Variants in RNF216 observed in about 807,000 individuals in gnomAD.
RNF216 encodes the protein E3 ubiquitin-protein ligase RNF216.
In RNF216, 72 loss-of-function variants were observed where a neutral mutation model predicts 110.8. The ratio of observed to expected loss-of-function variants is 0.65; its 90% CI spans 0.54 to 0.79. The LOEUF (loss-of-function observed/expected upper bound fraction) is 0.79. Ranked by LOEUF, RNF216 falls within the 30% of genes least tolerant of loss-of-function variation. The probability of loss-of-function intolerance (pLI) is 0.00; values close to 1 mark genes in which losing one functional copy is unlikely to be tolerated. For missense variants in RNF216, 1,342 were observed against 1,141.2 expected (o/e 1.18, Z -2.54); for synonymous variants, 495 against 407.5 (o/e 1.21, Z -2.59).
At chr7:5,725,243 G>C (rs1389620898) in intron 8 of RNF216, 81 bp downstream of exon 8, 8 of 832,572 alleles carry the variant, frequency 9.6e-6, no homozygotes, top group Non-Finnish European at 2.0e-6. Context: ...GACACCTGTA[G>C]CACGGCTTCC....
At chr7:5,639,763 A>AT (rs749853413) in intron 15 of RNF216, among the ~76,000 whole-genome samples, 657 of 134,696 alleles carry the variant, frequency 4.9e-3, no homozygotes, top group African/African-American at 9.8e-3. Context: ...CCTAGCCTTA[A>AT]TTTTTTTTTT....
intron 13 of RNF216, among the ~76,000 whole-genome samples, chr7:5,684,279 T>C (rs1320994229): frequency 6.6e-6 from 1 of 151,924 alleles, no homozygotes; most frequent in African/African-American, 2.4e-5. Context: ...ATTTTTGTTT[T>C]TGTATTTTTA....
chr7:5,686,189 C>A (rs1419809709), intron 13 of RNF216, among the ~76,000 whole-genome samples: 2 of 148,346 alleles, frequency 1.3e-5, no homozygotes, highest in African/African-American at 5.0e-5. Flanking sequence ...TGCTGCTGCA[C>A]TCCAGCCTGG....
intron 9 of RNF216, among the ~76,000 whole-genome samples, chr7:5,717,075 C>T (rs368994120): frequency 1.3e-5 from 2 of 152,054 alleles, no homozygotes; most frequent in South Asian, 2.1e-4. Flanking sequence ...TAAGTTTGGC[C>T]GGGTGGGATG....
chr7:5,743,718 G>T (rs754286695), intron 3 of RNF216, among the ~76,000 whole-genome samples: 2 of 152,176 alleles, frequency 1.3e-5, no homozygotes, highest in African/African-American at 4.8e-5. Flanking sequence ...TGCTAAACTG[G>T]TAACAACAGT....
At chr7:5,767,347 G>T (rs377308433) in intron 1 of RNF216, among the ~76,000 whole-genome samples, 42 of 152,278 alleles carry the variant, frequency 2.8e-4, no homozygotes, top group African/African-American at 9.9e-4. Context: ...TGAGGCAGAA[G>T]CAGCAATTTC....
chr7:5,687,106 T>A (rs1791033050), intron 13 of RNF216, among the ~76,000 whole-genome samples: 1 of 151,916 alleles, frequency 6.6e-6, no homozygotes, highest in African/African-American at 2.4e-5. Flanking sequence ...ATCTAGAAAT[T>A]AAAGGAAGAC....
At chr7:5,773,404 G>A (rs1220889872) in intron 1 of RNF216, among the ~76,000 whole-genome samples, 2 of 151,624 alleles carry the variant, frequency 1.3e-5, no homozygotes, top group Non-Finnish European at 2.9e-5. Context: ...CACCAAACAA[G>A]CTAGTTTTTT....
chr7:5,622,621 G>A lies in RNF216; in HGVS notation c.*239C>T. On this transcript the variant is annotated 3_prime_UTR_variant, in exon 17 of 17. Transcript: ENST00000389902. ...CGTTGGTGGCCTGGGGGATGCGAGG[G>A]GAGGGGCAGTTCACATCGCAGCTCT... 1 of 509,076 alleles carries A rather than the reference G, an allele frequency of 2.0e-6. No homozygotes were observed. The highest frequency in any genetic ancestry group is 3.5e-6 in the Non-Finnish European group (1 of 287,020). 31.5% of individuals were successfully genotyped at this position (509,076 alleles called of 1,614,324 possible). A position where few individuals can be genotyped will look rare whatever the true frequency, so the allele number is the denominator to read the frequency against.
At chr7:5,753,175 A>T (rs981200217) in intron 2 of RNF216, among the ~76,000 whole-genome samples, 196 bp from the exon 3 acceptor site, 9 of 152,208 alleles carry the variant, frequency 5.9e-5, no homozygotes, top group African/African-American at 1.9e-4. Flanking sequence ...ACATTTTGGG[A>T]ACTGCTAGAG....
rs75175715 is a variant in RNF216 at position 5,733,663 on chromosome 7, C to CAA, written c.1122-2848_1122-2847dup. 9.0e-3 allele frequency among the ~76,000 whole-genome samples: 1,028 copies of CAA among 113,774 alleles called. 5 individuals are homozygous for CAA. The highest frequency in any genetic ancestry group is 0.013 in the Non-Finnish European group (719 of 55,940). 74.6% of individuals were successfully genotyped at this position (113,774 alleles called of 152,430 possible). On this transcript the variant is annotated intron_variant, in intron 5 of 16. Transcript: ENST00000389902. ...ATTTCATAACCAGGAAAACATTAAC[C>CAA]AAAAAAAAAAAAAAAAGGAATTCAA...
intron 13 of RNF216, among the ~76,000 whole-genome samples, chr7:5,705,587 G>A (rs1270133117): frequency 6.6e-6 from 1 of 151,998 alleles, no homozygotes; most frequent in Non-Finnish European, 1.5e-5. Flanking sequence ...CTTGGCAGAG[G>A]GAAAAAATGA....
rs376096873 is a variant in RNF216, at chr7:5,698,384, T to TACACACACACACAC, written c.2061+13363_2061+13376dup. ...CAGTGAGCTGTCTTAGATTCTTTTA[T>TACACACACACACAC]ACACACACACACACACACACACACA... On this transcript the variant is annotated intron_variant, in intron 13 of 16. Coordinates refer to ENST00000389902, the MANE Select transcript of RNF216 (RefSeq NM_207111.4). Among the ~76,000 whole-genome samples the TACACACACACACAC allele has an allele frequency of 3.3e-3, 476 of 145,384 alleles. 2 individuals are homozygous for TACACACACACACAC. The highest frequency in any genetic ancestry group is 9.4e-3 in the East Asian group (46 of 4,868).
rs143769685 is a variant in RNF216 at position 5,742,141 on chromosome 7, G to A, written c.202-326C>T. On this transcript the variant is annotated intron_variant, in intron 3 of 16. Transcript: ENST00000389902. The stretch of plus-strand genomic sequence containing the variant: ...GGCTCACTGCAACCTCTGCCTCCCG[G>A]GCTCAAGCAACTCTTGTGCCTCAGC... 2.9e-3 allele frequency among the ~76,000 whole-genome samples: 443 copies of A among 152,258 alleles called. 17 individuals are homozygous for A. In the East Asian group the frequency reaches 0.073, roughly 25 times the overall value.
rs551219503 is a variant in RNF216, at chr7:5,741,881, T to C, written c.202-66A>G. ...ATGCCTATCCCTCCTTATGTACTTA[T>C]ATTGAGCTTCCGAGATAGGACAGGA... On this transcript the variant is annotated intron_variant, in intron 3 of 16. Transcript: ENST00000389902. 1.3e-4 allele frequency: 198 copies of C among 1,502,876 alleles called. No individual in the cohort carries two copies. The South Asian group carries it at 2.3e-3, about 18-fold the overall frequency. The allele number at this position is 1,502,876 out of a possible 1,614,324, so 93.1% of individuals were successfully genotyped here. A position where few individuals can be genotyped will look rare whatever the true frequency, so the allele number is the denominator to read the frequency against.
At position 5,741,489 on chromosome 7, in the gene RNF216, C is replaced by G. The variant is rs1200921585; in HGVS notation, c.528G>C (p.Gln176His). ...ANDIVNPRSE[Q>H]KVIILEEGSL... ...TACCTTCTTCCAAGATGATGACTTT[C>G]TGCTCTGATCTGGGGTTGACAATGT... Residue 176 changes from glutamine to histidine, a missense_variant, in exon 4 of 17, where the codon CAG becomes CAC. Coordinates refer to ENST00000389902, the MANE Select transcript of RNF216 (RefSeq NM_207111.4). 6.2e-7 allele frequency: 1 copy of G among 1,614,188 alleles called. No homozygotes were observed. The highest frequency in any genetic ancestry group is 8.5e-7 in the Non-Finnish European group (1 of 1,180,042).
intron 3 of RNF216, among the ~76,000 whole-genome samples, chr7:5,742,586 CTTTTTTTT>C (rs59545890): frequency 3.2e-4 from 21 of 65,992 alleles, no homozygotes; most frequent in African/African-American, 1.0e-3. Flanking sequence ...GGTGAAAAAT[CTTTTTTTT>C]TTTTTTTTTT....
chr7:5,692,951 T>C (rs1791422690), intron 13 of RNF216, among the ~76,000 whole-genome samples: 2 of 152,234 alleles, frequency 1.3e-5, no homozygotes, highest in South Asian at 4.1e-4. Context: ...ATAGATTTTA[T>C]GTCTGTGTCA....
intron 13 of RNF216, among the ~76,000 whole-genome samples, chr7:5,678,736 G>C (rs1240583963): frequency 6.6e-6 from 1 of 152,252 alleles, no homozygotes; most frequent in Non-Finnish European, 1.5e-5. Context: ...TGCACTGTGA[G>C]AGCTACAGCA....
Sources: gnomAD v4.1 joint callset for allele counts (sites outside exome capture counted in the v4.1 genomes callset) on GRCh38, gnomAD v4.1.1 for gene constraint, MANE v1.5 for transcripts, NCBI Gene and HGNC (gene_info 2026-07-23, HGNC 2026-07-21) for gene names.